Variants in C1orf105 observed in about 807,000 individuals in gnomAD.
C1orf105 encodes uncharacterized protein C1orf105.
In C1orf105, 17 loss-of-function variants were observed where a neutral mutation model predicts 20.8. The observed-to-expected ratio is 0.82, with a 90% CI of 0.56 to 1.23. C1orf105 has a LOEUF of 1.23. C1orf105 is among the 50% of genes most tolerant of loss of function. The pLI is 0.00. For missense variants in C1orf105, 219 were observed against 213.5 expected, an observed-to-expected ratio of 1.03 and a Z score of -0.16; for synonymous variants, 72 against 72.1, an observed-to-expected ratio of 1.00 and a Z score of 0.01.
chr1:172,452,913 C>T (rs961513273), intron 3 of C1orf105: 3 of 1,503,064 alleles, frequency 2.0e-6, no homozygotes, highest in East Asian at 2.5e-5. Flanking sequence ...CTCTCCATTC[C>T]TGTTATTGCT....
chr1:172,421,420 A>C (rs1472785100), intron 1 of C1orf105, among the ~76,000 whole-genome samples: 1 of 152,188 alleles, frequency 6.6e-6, no homozygotes, highest in East Asian at 1.9e-4. Context: ...ATTTAAAGGG[A>C]TATACTAGCT....
intron 4 of C1orf105, 90 bp downstream of exon 4, chr1:172,456,579 C>A: frequency 2.3e-6 from 3 of 1,294,498 alleles, no homozygotes; most frequent in Non-Finnish European, 2.2e-6. Context: ...GAGATAGTGA[C>A]GGGGCCCGTT....
intron 1 of C1orf105, among the ~76,000 whole-genome samples, chr1:172,422,986 T>C (rs962013516): frequency 3.9e-5 from 6 of 152,158 alleles, no homozygotes; most frequent in African/African-American, 1.4e-4. Context: ...CAGGTAGATT[T>C]CTAAAGTTTC....
intron 1 of C1orf105, chr1:172,441,659 T>C (rs1647317268): frequency 3.9e-6 from 5 of 1,297,484 alleles, no homozygotes; most frequent in Non-Finnish European, 4.2e-6. Context: ...TGGAACTCTG[T>C]CTTTAAGTTC....
chr1:172,441,895 A>G, intron 1 of C1orf105: 1 of 1,614,190 alleles, frequency 6.2e-7, no homozygotes, highest in African/African-American at 1.3e-5. Context: ...AATGGACAGT[A>G]GGCCTCCCAC....
intron 1 of C1orf105, among the ~76,000 whole-genome samples, chr1:172,441,259 C>G (rs1647259963): frequency 6.6e-6 from 1 of 151,960 alleles, no homozygotes; most frequent in African/African-American, 2.4e-5. Flanking sequence ...TCTTGGGCAA[C>G]AAAACTGAGC....
chr1:172,467,652 A>C (rs746074446), intron 6 of C1orf105, among the ~76,000 whole-genome samples: 1 of 152,146 alleles, frequency 6.6e-6, no homozygotes, highest in African/African-American at 2.4e-5. Flanking sequence ...TCTTAATTAC[A>C]GTGATGAGAC....
At chr1:172,441,271 T>C (rs1224023037) in intron 1 of C1orf105, among the ~76,000 whole-genome samples, 2 of 152,038 alleles carry the variant, frequency 1.3e-5, no homozygotes, top group African/African-American at 4.8e-5. Flanking sequence ...AAACTGAGCA[T>C]AGCACCCTGT....
At chr1:172,446,596 T>TA (rs760414659) in intron 2 of C1orf105, among the ~76,000 whole-genome samples, 7 of 152,236 alleles carry the variant, frequency 4.6e-5, no homozygotes, top group African/African-American at 7.2e-5. Flanking sequence ...CATCCCATAC[T>TA]ACCCCCATGC....
chr1:172,428,558 C>T (rs1469460884), intron 1 of C1orf105, among the ~76,000 whole-genome samples: 1 of 152,194 alleles, frequency 6.6e-6, no homozygotes, highest in Non-Finnish European at 1.5e-5. Context: ...GCAGCTCTTC[C>T]CTCTGACTGG....
intron 4 of C1orf105, among the ~76,000 whole-genome samples, chr1:172,461,862 G>A (rs77161615): frequency 1.9e-3 from 296 of 152,254 alleles, no homozygotes; most frequent in Non-Finnish European, 3.4e-3. Flanking sequence ...CAGTAGTCCC[G>A]GAGTCAGCAG....
chr1:172,427,337 T>G lies in C1orf105; in HGVS notation c.21+6431T>G, dbSNP rs568254846. Among the ~76,000 whole-genome samples the G allele has an allele frequency of 3.3e-5, 5 of 152,322 alleles. No individual in the cohort carries two copies. In the East Asian group the frequency reaches 9.6e-4, roughly 29 times the overall value. ...GCTTTGCACTTGTGCACTTATGTAC[T>G]CCAGAATATTTCCCCAGCAATTCTT... is the stretch of plus-strand genomic sequence containing the variant. On this transcript the variant is annotated intron_variant, in intron 1 of 6. Coordinates refer to ENST00000367727, the MANE Select transcript of C1orf105 (RefSeq NM_139240.4).
chr1:172,424,657 T>C (rs1355681643), intron 1 of C1orf105, among the ~76,000 whole-genome samples: 1 of 152,176 alleles, frequency 6.6e-6, no homozygotes, highest in Non-Finnish European at 1.5e-5. Context: ...TCCCAAAGTG[T>C]TGGGTTTACA....
chr1:172,459,570 T>C (rs1444950617), intron 4 of C1orf105, among the ~76,000 whole-genome samples: 1 of 152,144 alleles, frequency 6.6e-6, no homozygotes, highest in African/African-American at 2.4e-5. Flanking sequence ...GGCCAGGATG[T>C]GGAGAAATTA....
rs370256227 is a variant in C1orf105 at position 172,428,542 on chromosome 1, T to TCCCCTGCAGCTCTTC, written c.21+7638_21+7639insCCTGCAGCTCTTCCC. On this transcript the variant is annotated intron_variant, in intron 1 of 6. Transcript: ENST00000367727. ...GCCCAAAGGTTTTGTAGCAGCTCTT[T>TCCCCTGCAGCTCTTC]CCTCTGCAGCTCTTCCCTCTGACTG... Among the ~76,000 whole-genome samples the TCCCCTGCAGCTCTTC allele has an allele frequency of 1.9e-3, 287 of 152,314 alleles. 1 individual carries two copies. The highest frequency in any genetic ancestry group is 6.5e-3 in the African/African-American group (272 of 41,564).
chr1:172,442,344 T>C, intron 1 of C1orf105: 1 of 1,613,082 alleles, frequency 6.2e-7, no homozygotes, highest in Non-Finnish European at 8.5e-7. Context: ...ACCCAATCAG[T>C]GAAGAAGCCA....
chr1:172,428,416 C>T (rs1206734202), intron 1 of C1orf105, among the ~76,000 whole-genome samples: 1 of 152,240 alleles, frequency 6.6e-6, no homozygotes, highest in African/African-American at 2.4e-5. Flanking sequence ...CAATGTCATA[C>T]ATAATCTAGC....
chr1:172,421,666 G>A (rs1223704231), intron 1 of C1orf105, among the ~76,000 whole-genome samples: 1 of 152,120 alleles, frequency 6.6e-6, no homozygotes, highest in African/African-American at 2.4e-5. Flanking sequence ...ACACAAAAAA[G>A]CACCTTCATA....
chr1:172,431,105 C>A, intron 1 of C1orf105: 1 of 644,830 alleles, frequency 1.6e-6, no homozygotes, highest in South Asian at 1.8e-5. Context: ...AATTAATAAC[C>A]CTGCAATGGC....
Sources: allele counts gnomAD v4.1 joint callset (sites outside exome capture counted in the v4.1 genomes callset), GRCh38; gene constraint gnomAD v4.1.1; transcripts MANE v1.5; gene names NCBI Gene and HGNC (gene_info 2026-07-23, HGNC 2026-07-21).